P4HA1: variants seen among roughly 807,000 people sequenced by gnomAD.
P4HA1 encodes prolyl 4-hydroxylase subunit alpha-1.
P4HA1 carries 24 observed loss-of-function variants against 72.8 expected under a neutral mutation model. The observed-to-expected ratio is 0.33, with a 90% CI of 0.24 to 0.46. The LOEUF is 0.46. Ranked by LOEUF, P4HA1 falls within the 20% of genes least tolerant of loss-of-function variation. The pLI is 1.00. For missense variants in P4HA1, 446 were observed against 640.6 expected (o/e 0.70, Z 3.28); for synonymous variants, 201 against 218.8 (o/e 0.92, Z 0.72).
chr10:73,060,808 C>CA (rs575246889), intron 5 of P4HA1, among the ~76,000 whole-genome samples: 134 of 146,512 alleles, frequency 9.1e-4, no homozygotes, highest in East Asian at 8.9e-3. Flanking sequence ...GGCTGAAATA[C>CA]AAAAAAAAAA....
intron 5 of P4HA1, among the ~76,000 whole-genome samples, chr10:73,062,253 T>C (rs1841329431): frequency 6.6e-6 from 1 of 152,264 alleles, no homozygotes; most frequent in Non-Finnish European, 1.5e-5. Context: ...TGTGTGACAT[T>C]TGATATTTTC....
At chr10:73,020,502 C>T (rs1488910242) in intron 10 of P4HA1, among the ~76,000 whole-genome samples, 1 of 152,136 alleles carries the variant, frequency 6.6e-6, no homozygotes, top group East Asian at 1.9e-4. Context: ...ATACAAAGAG[C>T]TAGTATCAAT....
At chr10:73,075,057 T>A (rs563841948) in intron 1 of P4HA1, 142 bp from the exon 2 acceptor site, 72 of 530,064 alleles carry the variant, frequency 1.4e-4, no homozygotes, top group African/African-American at 1.3e-3. Context: ...AATTGTTTAA[T>A]AATAGCTACT....
At chr10:73,031,729 G>C (rs903648325) in intron 9 of P4HA1, among the ~76,000 whole-genome samples, 3 of 152,152 alleles carry the variant, frequency 2.0e-5, no homozygotes, top group African/African-American at 7.2e-5. Context: ...ATTGGTTATA[G>C]TTGCACAAGG....
chr10:73,040,136 C>T (rs1019714937), intron 9 of P4HA1, among the ~76,000 whole-genome samples: 1 of 151,942 alleles, frequency 6.6e-6, no homozygotes, highest in East Asian at 1.9e-4. Context: ...TCCCAAAGTG[C>T]TGATATTACA....
chr10:73,064,068 G>C (rs2133118081), intron 5 of P4HA1, among the ~76,000 whole-genome samples: 1 of 152,310 alleles, frequency 6.6e-6, no homozygotes, highest in East Asian at 1.9e-4. Context: ...TGGTTCAAAG[G>C]AAGAGGCATG....
intron 1 of P4HA1, among the ~76,000 whole-genome samples, chr10:73,084,822 G>A (rs1365719255): frequency 6.6e-6 from 1 of 152,118 alleles, no homozygotes; most frequent in Non-Finnish European, 1.5e-5. Flanking sequence ...AACACATTAA[G>A]ACCATTTTGA....
chr10:73,093,778 G>A (rs1310324833), intron 1 of P4HA1, among the ~76,000 whole-genome samples: 2 of 141,598 alleles, frequency 1.4e-5, no homozygotes, highest in African/African-American at 5.2e-5. Flanking sequence ...GGGAGGTGGA[G>A]CTTGCAGTGG....
chr10:73,093,919 C>T (rs1388369428), intron 1 of P4HA1, among the ~76,000 whole-genome samples: 3 of 115,810 alleles, frequency 2.6e-5, no homozygotes, highest in African/African-American at 1.0e-4. Context: ...CACACACACA[C>T]ACACACACAT....
intron 9 of P4HA1, among the ~76,000 whole-genome samples, chr10:73,039,962 A>G (rs886503004): frequency 3.3e-5 from 5 of 150,772 alleles, no homozygotes; most frequent in African/African-American, 9.8e-5. Flanking sequence ...CCCAGGCTCA[A>G]GTGATCTACC....
chr10:73,024,759 A>C (rs1191914365), intron 10 of P4HA1, among the ~76,000 whole-genome samples: 1 of 152,222 alleles, frequency 6.6e-6, no homozygotes, highest in African/African-American at 2.4e-5. Context: ...CTAATAAAGA[A>C]GAAAAGAGAG....
Position 73,056,033 on chromosome 10 carries a change from G to T in P4HA1, c.464-2443C>A, listed in dbSNP as rs141434926. Among the ~76,000 whole-genome samples the T allele has an allele frequency of 2.7e-4, 41 of 152,260 alleles. No individual in the cohort carries two copies. In the East Asian group the frequency reaches 7.9e-3, roughly 29 times the overall value. The stretch of plus-strand genomic sequence containing the variant: ...TGGGAGGAAGCAGCAATGTAAACTG[G>T]TAACTTTGCTTTTAAGAAATTCAGC... On this transcript the variant is annotated intron_variant, in intron 5 of 14. Coordinates refer to ENST00000394890, the MANE Select transcript of P4HA1 (RefSeq NM_001017962.3).
At chr10:73,087,268 ATT>A (rs370759559) in intron 1 of P4HA1, among the ~76,000 whole-genome samples, 12,855 of 130,160 alleles carry the variant, frequency 0.099, 526 homozygotes, top group East Asian at 0.28. Flanking sequence ...TAATGCCTTT[ATT>A]TTTTTTTTTT....
Position 73,053,526 on chromosome 10 carries a change from T to C in P4HA1, c.528A>G (p.Thr176=). The C allele has an allele frequency of 6.2e-7, 1 of 1,614,086 alleles. No homozygotes were observed. The highest frequency in any genetic ancestry group is 1.1e-5 in the South Asian group (1 of 91,084). ...DCFELGKVAY[T]EADYYHTELW... is the part of the protein sequence containing the mutation. Reference sequence around the variant, plus strand: ...GTTCCGTATGGTAATAATCTGCTTCTGTATAGGCCACTTTGCCCAACTCAA... The same window carrying C: ...GTTCCGTATGGTAATAATCTGCTTCCGTATAGGCCACTTTGCCCAACTCAA... Residue 176 remains threonine, a synonymous_variant, in exon 6 of 15, where the codon ACA becomes ACG. Coordinates refer to ENST00000394890, the MANE Select transcript of P4HA1 (RefSeq NM_001017962.3).
chr10:73,021,086 G>A (rs1303034237), intron 10 of P4HA1, among the ~76,000 whole-genome samples: 1 of 152,092 alleles, frequency 6.6e-6, no homozygotes, highest in Non-Finnish European at 1.5e-5. Context: ...AGTGAGCCAA[G>A]ATCACACCAC....
intron 7 of P4HA1, among the ~76,000 whole-genome samples, chr10:73,048,339 C>T (rs893965684): frequency 1.3e-4 from 20 of 152,206 alleles, no homozygotes; most frequent in African/African-American, 4.8e-4. Context: ...TCTCGGCTCA[C>T]TGCAGCCTCT....
chr10:73,044,857 T>G, intron 9 of P4HA1, 124 bp downstream of exon 9: 1 of 661,928 alleles, frequency 1.5e-6, no homozygotes. Context: ...TTATCCTGTT[T>G]ATATACAGGG....
chr10:73,061,813 A>G lies in P4HA1; in HGVS notation c.463+7033T>C, dbSNP rs1018451720. ...TACAAAGACCTACTTGAGGCCAGGA[A>G]TTCAAGACCAGACTGGGCAACACAG... On this transcript the variant is annotated intron_variant, in intron 5 of 14. Transcript: ENST00000394890. Among the ~76,000 whole-genome samples, 5 of 152,240 alleles carry G rather than the reference A, an allele frequency of 3.3e-5. No individual in the cohort carries two copies. The East Asian group carries it at 9.7e-4, about 29-fold the overall frequency.
chr10:73,024,270 A>T (rs963701584), intron 10 of P4HA1, among the ~76,000 whole-genome samples: 3 of 152,164 alleles, frequency 2.0e-5, no homozygotes, highest in Non-Finnish European at 2.9e-5. Flanking sequence ...AATGTAAAAG[A>T]ACAGAAATCA....
Sources: allele counts gnomAD v4.1 joint callset (sites outside exome capture counted in the v4.1 genomes callset), GRCh38; gene constraint gnomAD v4.1.1; transcripts MANE v1.5; gene names NCBI Gene and HGNC (gene_info 2026-07-23, HGNC 2026-07-21).